The following OPCML variants were observed in gnomAD, a reference collection of about 807,000 sequenced individuals.
The protein encoded by OPCML is opioid binding protein/cell adhesion molecule like, also known as opioid-binding protein/cell adhesion molecule.
In OPCML, 13 loss-of-function variants were observed where a neutral mutation model predicts 37.8. The observed-to-expected ratio is 0.34, with a 90% confidence interval of 0.22 to 0.55. The LOEUF (loss-of-function observed/expected upper bound fraction) is 0.55, where lower values mean the gene tolerates loss of function less well. Ranked by LOEUF, OPCML falls within the 20% of genes least tolerant of loss-of-function variation. The pLI, the probability that OPCML is intolerant of heterozygous loss-of-function variation, is 0.91. For missense variants in OPCML, 341 were observed against 435.6 expected, an observed-to-expected ratio of 0.78 and a Z score of 1.93; for synonymous variants, 176 against 168.8, an observed-to-expected ratio of 1.04 and a Z score of -0.33.
intron 1 of OPCML, among the ~76,000 whole-genome samples, chr11:133,081,655 C>T (rs1277533703): frequency 6.6e-6 from 1 of 152,182 alleles, no homozygotes; most frequent in Non-Finnish European, 1.5e-5. Flanking sequence ...CACTCCTGCT[C>T]TAGGGGGATC....
chr11:133,232,323 T>C (rs897538280), intron 1 of OPCML, among the ~76,000 whole-genome samples: 20 of 152,174 alleles, frequency 1.3e-4, no homozygotes, highest in African/African-American at 4.3e-4. Flanking sequence ...TGAGGTCTAG[T>C]TTTAAATTCC....
intron 1 of OPCML, among the ~76,000 whole-genome samples, chr11:133,295,739 G>A (rs1565555697): frequency 1.3e-5 from 2 of 152,176 alleles, no homozygotes. Flanking sequence ...TCTATAAATT[G>A]TAGATAATTG....
intron 1 of OPCML, among the ~76,000 whole-genome samples, chr11:133,079,636 G>C (rs931762806): frequency 1.3e-5 from 2 of 152,016 alleles, no homozygotes; most frequent in Non-Finnish European, 2.9e-5. Context: ...TAAGAACCTC[G>C]GGAGGTTCCC....
chr11:132,605,557 T>A (rs1262948722), intron 3 of OPCML, among the ~76,000 whole-genome samples: 1 of 151,978 alleles, frequency 6.6e-6, no homozygotes, highest in Non-Finnish European at 1.5e-5. Context: ...AGATAGAGAC[T>A]CTGTGTCAAA....
intron 1 of OPCML, among the ~76,000 whole-genome samples, chr11:133,318,890 A>C (rs1432695474): frequency 1.3e-5 from 2 of 152,006 alleles, no homozygotes; most frequent in African/African-American, 4.8e-5. Flanking sequence ...TACAAAAATT[A>C]GCCACGGGCA....
chr11:133,134,555 G>A (rs891559120), intron 1 of OPCML, among the ~76,000 whole-genome samples: 3 of 151,630 alleles, frequency 2.0e-5, no homozygotes, highest in African/African-American at 7.2e-5. Context: ...GAACTGGGCA[G>A]TCACCCCTTG....
intron 1 of OPCML, among the ~76,000 whole-genome samples, chr11:133,203,689 A>G (rs935831517): frequency 6.6e-6 from 1 of 152,202 alleles, no homozygotes; most frequent in Non-Finnish European, 1.5e-5. Context: ...AATGAGGTAT[A>G]CCTGTATCTA....
intron 2 of OPCML, among the ~76,000 whole-genome samples, chr11:132,881,766 C>A (rs942034011): frequency 2.6e-5 from 4 of 152,130 alleles, no homozygotes; most frequent in African/African-American, 9.7e-5. Flanking sequence ...AATTAGCAGC[C>A]CCAACTGTGA....
At chr11:133,232,549 G>A (rs997738381) in intron 1 of OPCML, among the ~76,000 whole-genome samples, 9 of 151,932 alleles carry the variant, frequency 5.9e-5, no homozygotes, top group Non-Finnish European at 1.2e-4. Flanking sequence ...AGAGATTCCA[G>A]GTGTGAATCT....
chr11:132,782,399 A>G (rs2136154525), intron 2 of OPCML, among the ~76,000 whole-genome samples: 1 of 152,340 alleles, frequency 6.6e-6, no homozygotes, highest in South Asian at 2.1e-4. Flanking sequence ...CAGTCCTCAC[A>G]GTTTCCATTT....
intron 1 of OPCML, among the ~76,000 whole-genome samples, chr11:133,151,146 G>A (rs187940178): frequency 3.4e-4 from 52 of 152,004 alleles, no homozygotes; most frequent in African/African-American, 8.9e-4. Flanking sequence ...GGTGGTGCAC[G>A]CCTGTTATCC....
intron 2 of OPCML, among the ~76,000 whole-genome samples, chr11:132,847,364 G>A (rs142283481): frequency 1.1e-4 from 17 of 152,064 alleles, no homozygotes; most frequent in African/African-American, 2.2e-4. Flanking sequence ...CAAAACGTCC[G>A]TGGAGTAAGA....
chr11:133,423,616 C>A (rs1485542401), intron 1 of OPCML, among the ~76,000 whole-genome samples: 5 of 152,164 alleles, frequency 3.3e-5, no homozygotes, highest in African/African-American at 1.2e-4. Context: ...GGAATAAACA[C>A]CTTTGCTGAG....
chr11:133,021,926 T>C (rs1254141699), intron 1 of OPCML, among the ~76,000 whole-genome samples: 2 of 152,214 alleles, frequency 1.3e-5, no homozygotes, highest in Non-Finnish European at 2.9e-5. Flanking sequence ...AAGGGGCTGC[T>C]TTCTAAGCAC....
chr11:132,602,778 T>A (rs1319062152), intron 3 of OPCML, among the ~76,000 whole-genome samples: 1 of 152,236 alleles, frequency 6.6e-6, no homozygotes, highest in African/African-American at 2.4e-5. Context: ...TAGAACAACC[T>A]TAGCGTCCCT....
chr11:133,450,670 GT>G (rs1946562933), intron 1 of OPCML, among the ~76,000 whole-genome samples: 1 of 151,668 alleles, frequency 6.6e-6, no homozygotes, highest in Non-Finnish European at 1.5e-5. Context: ...CACAATCCTT[GT>G]GTACCCTGTG....
intron 1 of OPCML, among the ~76,000 whole-genome samples, chr11:133,476,667 A>G (rs1465340192): frequency 2.6e-5 from 4 of 152,214 alleles, no homozygotes; most frequent in Admixed American, 1.3e-4. Context: ...GCATTCCTGA[A>G]GCAGATCATC....
At chr11:132,691,815 T>A (rs1483657117) in intron 2 of OPCML, among the ~76,000 whole-genome samples, 4 of 152,200 alleles carry the variant, frequency 2.6e-5, no homozygotes, top group Non-Finnish European at 5.9e-5. Context: ...AAACCATGTC[T>A]CTTCTTTTTC....
At chr11:132,605,174 A>G (rs1394727766) in intron 3 of OPCML, among the ~76,000 whole-genome samples, 1 of 152,222 alleles carries the variant, frequency 6.6e-6, no homozygotes, top group Admixed American at 6.5e-5. Flanking sequence ...TCACAGAAGC[A>G]TTGCATGGGC....
Sources: allele counts gnomAD v4.1 joint callset (sites outside exome capture counted in the v4.1 genomes callset), GRCh38; gene constraint gnomAD v4.1.1; transcripts MANE v1.5; gene names NCBI Gene and HGNC (gene_info 2026-07-23, HGNC 2026-07-21).